Variants in PKP2 observed in about 807,000 individuals in gnomAD.
PKP2 encodes plakophilin-2.
PKP2 carries 73 observed loss-of-function variants against 83.4 expected under a neutral mutation model. That is an observed-to-expected ratio of 0.88 (90% CI 0.72 to 1.06). The LOEUF is 1.06. PKP2 is among the 50% of genes least tolerant of loss of function. PKP2 has a pLI of 0.00. For missense variants in PKP2, 966 were observed against 1,065.4 expected, an observed-to-expected ratio of 0.91 and a Z score of 1.30; for synonymous variants, 409 against 430.4, an observed-to-expected ratio of 0.95 and a Z score of 0.62.
At position 32,822,621 on chromosome 12, in the gene PKP2, T is replaced by C. The variant is rs767068941; in HGVS notation, c.1685A>G (p.Asn562Ser). Residue 562 changes from asparagine to serine, a missense_variant, in exon 8 of 13, where the codon AAT becomes AGT. Asn to Ser is a conservative substitution (Grantham distance 46, BLOSUM62 1). Transcript: ENST00000340811. ...DYQPDDKATE[N>S]CVCILHNLSY... ...GAGGTTATGAAGAATGCACACACAA[T>C]TCTCCGTGGCCTGAGAAAACAGGAC... 1.9e-6 allele frequency: 3 copies of C among 1,613,976 alleles called. No homozygotes were observed. In the South Asian group the frequency reaches 3.3e-5, roughly 18 times the overall value.
chr12:32,876,811 T>G (rs1244218131), intron 3 of PKP2, among the ~76,000 whole-genome samples: 1 of 152,236 alleles, frequency 6.6e-6, no homozygotes, highest in Non-Finnish European at 1.5e-5. Flanking sequence ...ATTACAGGCC[T>G]GGGCCACTGC....
chr12:32,865,927 T>C (rs1197872553), intron 4 of PKP2, among the ~76,000 whole-genome samples: 5 of 152,076 alleles, frequency 3.3e-5, no homozygotes, highest in African/African-American at 1.2e-4. Context: ...ATATATAACA[T>C]TTACAAAACT....
At chr12:32,827,521 T>G (rs897164090) in intron 6 of PKP2, among the ~76,000 whole-genome samples, 1 of 152,226 alleles carries the variant, frequency 6.6e-6, no homozygotes. Context: ...TTAAAATATT[T>G]TTTTTTAACA....
At chr12:32,885,137 G>C (rs1055633580) in intron 1 of PKP2, among the ~76,000 whole-genome samples, 2 of 152,136 alleles carry the variant, frequency 1.3e-5, no homozygotes, top group Non-Finnish European at 2.9e-5. Flanking sequence ...TTGCGGGGGC[G>C]GGTAATGGTG....
chr12:32,833,192 G>A (rs1956515788), intron 6 of PKP2, among the ~76,000 whole-genome samples: 1 of 152,254 alleles, frequency 6.6e-6, no homozygotes, highest in East Asian at 1.9e-4. Flanking sequence ...GCAGTGACCT[G>A]AGATCATGCC....
chr12:32,866,630 C>T (rs1956851858), intron 4 of PKP2, among the ~76,000 whole-genome samples: 1 of 131,378 alleles, frequency 7.6e-6, no homozygotes, highest in African/African-American at 2.9e-5. Flanking sequence ...CACAGTAAAA[C>T]ACCTGTACAA....
In PKP2 at chr12:32,802,484, C is replaced by G; in HGVS notation, c.2086G>C (p.Val696Leu). 6.2e-7 allele frequency: 1 copy of G among 1,614,096 alleles called. No homozygotes were observed. The highest frequency in any genetic ancestry group is 8.5e-7 in the Non-Finnish European group (1 of 1,179,956). Reference protein sequence around the residue: ...GLQHTRKMLHVGDPSVKKTAI... With the variant: ...GLQHTRKMLHLGDPSVKKTAI... Reference sequence around the variant, plus strand: ...GTCTTTTTCACACTTGGGTCACCAACATGCAGCATCTTTCGGGTGTGCTGC... The same window carrying G: ...GTCTTTTTCACACTTGGGTCACCAAGATGCAGCATCTTTCGGGTGTGCTGC... The change falls in exon 10 of 13, where the codon GTT (valine) becomes CTT (leucine). Residue 696 changes from valine (V) to leucine (L), a missense_variant. By Grantham distance (32) the Val-to-Leu change is conservative. Coordinates refer to ENST00000340811, the MANE Select transcript of PKP2 (RefSeq NM_001005242.3).
At chr12:32,858,649 T>TA (rs79777031) in intron 4 of PKP2, among the ~76,000 whole-genome samples, 6,565 of 152,030 alleles carry the variant, frequency 0.043, 343 homozygotes, top group East Asian at 0.27. Context: ...TGATGAAAGA[T>TA]ACAAAAAACA....
chr12:32,879,213 A>AT (rs1370551828), intron 1 of PKP2, among the ~76,000 whole-genome samples, 181 bp from the exon 2 acceptor site: 1 of 152,234 alleles, frequency 6.6e-6, no homozygotes, highest in Non-Finnish European at 1.5e-5. Context: ...ATGGCAAGTG[A>AT]TCAAAGGTTA....
At position 32,836,725 on chromosome 12, in the gene PKP2, G is replaced by A. The variant is rs1237681671; in HGVS notation, c.1556+4303C>T. Among the ~76,000 whole-genome samples the A allele has an allele frequency of 7.2e-5, 11 of 152,144 alleles. No homozygotes were observed. In the East Asian group the frequency reaches 1.5e-3, roughly 21 times the overall value. On this transcript the variant is annotated intron_variant, in intron 6 of 12. Transcript: ENST00000340811. ...TGAATTTGTGGCAATTAAGATATTC[G>A]GTAACATTCATGATTTTTAAAAATA... is the stretch of plus-strand genomic sequence containing the variant.
intron 10 of PKP2, among the ~76,000 whole-genome samples, chr12:32,801,059 T>C (rs1462903669): frequency 6.6e-6 from 1 of 152,240 alleles, no homozygotes; most frequent in Non-Finnish European, 1.5e-5. Context: ...CTTATATATT[T>C]GACATGAAGC....
chr12:32,817,656 T>G (rs548692448), intron 9 of PKP2, among the ~76,000 whole-genome samples: 1 of 152,374 alleles, frequency 6.6e-6, no homozygotes, highest in African/African-American at 2.4e-5. Context: ...TTTGTGTCCA[T>G]TTTAATGAAG....
At chr12:32,834,284 G>A (rs1393279379) in intron 6 of PKP2, among the ~76,000 whole-genome samples, 1 of 152,182 alleles carries the variant, frequency 6.6e-6, no homozygotes, top group Non-Finnish European at 1.5e-5. Flanking sequence ...GGTTTGGATA[G>A]AGCAGGCCTT....
At chr12:32,814,543 C>A (rs1307464980) in intron 9 of PKP2, among the ~76,000 whole-genome samples, 3 of 152,164 alleles carry the variant, frequency 2.0e-5, no homozygotes, top group African/African-American at 7.2e-5. Context: ...CTTTACCTAA[C>A]CTTCATTCCT....
At chr12:32,801,802 G>GTTATTTGATAATGTAA (rs377181690) in intron 10 of PKP2, among the ~76,000 whole-genome samples, 29,988 of 151,630 alleles carry the variant, frequency 0.2, 3,633 homozygotes, top group East Asian at 0.56. Context: ...AAATAAAAAA[G>GTTATTTGATAATGTAA]TACCGTTATC....
intron 3 of PKP2, among the ~76,000 whole-genome samples, chr12:32,871,488 C>T (rs112016046): frequency 1.9e-3 from 291 of 151,554 alleles, no homozygotes; most frequent in Middle Eastern, 3.4e-3. Flanking sequence ...TTTTTTGAGA[C>T]GGAGTCTTGC....
chr12:32,843,722 GT>G (rs1476128459), intron 5 of PKP2, among the ~76,000 whole-genome samples: 1 of 152,176 alleles, frequency 6.6e-6, no homozygotes, highest in Non-Finnish European at 1.5e-5. Flanking sequence ...TCAGCCACAG[GT>G]TTTGCAATAC....
At chr12:32,820,835 T>C (rs1228296114) in intron 9 of PKP2, 6 of 176,330 alleles carry the variant, frequency 3.4e-5, no homozygotes, top group Admixed American at 1.6e-4. Flanking sequence ...CCGTGAGACA[T>C]ATTCTCCAAC....
chr12:32,796,651 G>A lies in PKP2; in HGVS notation c.2168-353C>T, dbSNP rs541452077. 7.3e-4 allele frequency among the ~76,000 whole-genome samples: 111 copies of A among 151,938 alleles called. 3 individuals are homozygous for A. In the South Asian group the frequency reaches 8.5e-3, roughly 12 times the overall value. On this transcript the variant is annotated intron_variant, in intron 10 of 12. Transcript: ENST00000340811. The stretch of plus-strand genomic sequence containing the variant: ...CCTGACCTCGTGATCCGCCAGCCTC[G>A]GCCTCCCAAAGTGCTGGGATTACAG...
Sources: allele counts gnomAD v4.1 joint callset (sites outside exome capture counted in the v4.1 genomes callset), GRCh38; gene constraint gnomAD v4.1.1; transcripts MANE v1.5; gene names NCBI Gene and HGNC (gene_info 2026-07-23, HGNC 2026-07-21).